RABEP1: variants seen among roughly 807,000 people sequenced by gnomAD.
RABEP1 encodes rabaptin, RAB GTPase binding effector protein 1, also known as rab GTPase-binding effector protein 1.
Under a neutral mutation model 123.4 loss-of-function variants are expected in RABEP1, and 51 were observed. That is an observed-to-expected ratio of 0.41 (90% CI 0.33 to 0.52). The LOEUF is 0.52. Among genes scored for constraint, RABEP1 ranks in the 20% least tolerant of loss-of-function variants. The pLI is 0.16. For missense variants in RABEP1, 888 were observed against 996.3 expected (o/e 0.89, Z 1.46); for synonymous variants, 347 against 355.2 (o/e 0.98, Z 0.26).
intron 1 of RABEP1, among the ~76,000 whole-genome samples, chr17:5,298,552 C>T (rs139230798): frequency 6.6e-6 from 1 of 152,084 alleles, no homozygotes; most frequent in African/African-American, 2.4e-5. Flanking sequence ...TCATATGGAG[C>T]TTCTTAAACA....
At chr17:5,308,533 C>CT (rs1402831847) in intron 1 of RABEP1, among the ~76,000 whole-genome samples, 161 bp from the exon 2 acceptor site, 1 of 152,006 alleles carries the variant, frequency 6.6e-6, no homozygotes, top group Non-Finnish European at 1.5e-5. Context: ...GTCTGTCTTA[C>CT]TTTTTTTAAA....
Position 5,385,197 on chromosome 17 carries a change from C to T in RABEP1, c.*1974C>T, listed in dbSNP as rs922552384. On this transcript the variant is annotated 3_prime_UTR_variant, in exon 18 of 18. Transcript: ENST00000537505. ...TTAAGTTTTGTTTAGCAATGTGTTT[C>T]TGGTATGAAACAAACTACTGTGTCA... 2 of 229,998 alleles carry T rather than the reference C, an allele frequency of 8.7e-6. No individual in the cohort carries two copies. The highest frequency in any genetic ancestry group is 4.4e-5 in the African/African-American group (2 of 45,196). 14.2% of individuals were successfully genotyped at this position (229,998 alleles called of 1,614,324 possible).
intron 1 of RABEP1, among the ~76,000 whole-genome samples, chr17:5,299,719 C>A (rs796376178): frequency 1.0e-5 from 1 of 98,852 alleles, no homozygotes; most frequent in African/African-American, 3.8e-5. Flanking sequence ...TTTTTCTTTT[C>A]TTTTTCTTTT....
At position 5,373,315 on chromosome 17, in the gene RABEP1, C is replaced by T. The variant is rs200240030; in HGVS notation, c.1886C>T (p.Ala629Val). Residue 629 changes from alanine (A) to valine (V), a missense_variant and splice_region_variant, in exon 13 of 18, where the codon GCG becomes GTG. Coordinates refer to ENST00000537505, the MANE Select transcript of RABEP1 (RefSeq NM_004703.6). ...GATTAGTATCTACTTCTATTTTAGG[C>T]GGTGCTGATGCAGTCACGGGAACAG... Reference protein sequence around the residue: ...QAKRDVQEQMAVLMQSREQVS... With the variant: ...QAKRDVQEQMVVLMQSREQVS... 1.9e-5 allele frequency: 31 copies of T among 1,610,890 alleles called. No homozygotes were observed. Among genetic ancestry groups the T allele is most frequent in the East Asian group, 1.3e-4 (6 of 44,782 alleles).
At chr17:5,335,454 ATAAT>A in intron 4 of RABEP1, 110 bp downstream of exon 4, 1 of 987,750 alleles carries the variant, frequency 1.0e-6, no homozygotes, top group Non-Finnish European at 1.5e-6. Flanking sequence ...TCCTGTGAGA[ATAAT>A]TATTTGGACA....
At chr17:5,370,302 G>A (rs191094706) in intron 12 of RABEP1, among the ~76,000 whole-genome samples, 24 of 152,268 alleles carry the variant, frequency 1.6e-4, no homozygotes, top group Admixed American at 1.1e-3. Context: ...CATGACAGTC[G>A]TAAGTATTTT....
chr17:5,353,570 G>T (rs1180692396), intron 7 of RABEP1, among the ~76,000 whole-genome samples: 1 of 152,050 alleles, frequency 6.6e-6, no homozygotes, highest in African/African-American at 2.4e-5. Flanking sequence ...TTTTTGGGTG[G>T]GGTGTGGTGT....
intron 1 of RABEP1, 51 bp downstream of exon 1, chr17:5,282,571 G>A: frequency 9.0e-7 from 1 of 1,116,676 alleles, no homozygotes; most frequent in Non-Finnish European, 1.1e-6. Flanking sequence ...CCCGGCGTCG[G>A]CGTCGCGGGA....
At chr17:5,334,144 G>A (rs557112543) in intron 3 of RABEP1, among the ~76,000 whole-genome samples, 4 of 148,654 alleles carry the variant, frequency 2.7e-5, no homozygotes, top group East Asian at 2.0e-4. Flanking sequence ...GGCAATTTTC[G>A]TGCCTCTGCC....
At chr17:5,331,333 T>C (rs527973962) in intron 2 of RABEP1, among the ~76,000 whole-genome samples, 1 of 152,264 alleles carries the variant, frequency 6.6e-6, no homozygotes, top group South Asian at 2.1e-4. Flanking sequence ...GTTAAGGGTA[T>C]GGGAAAACAA....
chr17:5,362,798 A>G (rs1298065533), intron 9 of RABEP1, 114 bp from the exon 10 acceptor site: 2 of 696,672 alleles, frequency 2.9e-6, no homozygotes, highest in Admixed American at 2.5e-5. Context: ...GGCCCTGAAG[A>G]AAGTGTTTAC....
chr17:5,356,906 G>A (rs566228666), intron 8 of RABEP1, among the ~76,000 whole-genome samples: 2 of 151,900 alleles, frequency 1.3e-5, no homozygotes, highest in South Asian at 4.2e-4. Flanking sequence ...TTGAGACAGG[G>A]TCTCACTTTC....
chr17:5,319,269 C>T (rs1847428149), intron 2 of RABEP1, among the ~76,000 whole-genome samples: 1 of 136,876 alleles, frequency 7.3e-6, no homozygotes. Context: ...GCAGAGATTG[C>T]AGTGAGCTGA....
chr17:5,303,179 C>T (rs1422830146), intron 1 of RABEP1, among the ~76,000 whole-genome samples: 1 of 152,052 alleles, frequency 6.6e-6, no homozygotes, highest in African/African-American at 2.4e-5. Flanking sequence ...CTTGGTATTA[C>T]TTCACTGAAT....
rs556221696 is a variant in RABEP1 at position 5,299,886 on chromosome 17, T to C, written c.35-8808T>C. Among the ~76,000 whole-genome samples the C allele has an allele frequency of 4.0e-4, 61 of 151,636 alleles. 1 individual carries two copies. Among genetic ancestry groups the C allele is most frequent in the African/African-American group, 1.5e-3 (60 of 41,364 alleles). ...CTGGGACTACAGGCTCCTGCCACCA[T>C]GCCCGGCTAATTTTTGTATTTTTAG... On this transcript the variant is annotated intron_variant, in intron 1 of 17. Transcript: ENST00000537505.
chr17:5,305,026 T>C (rs2144510239), intron 1 of RABEP1, among the ~76,000 whole-genome samples: 1 of 152,358 alleles, frequency 6.6e-6, no homozygotes, highest in Admixed American at 6.5e-5. Flanking sequence ...TAGCTAATGA[T>C]AGTGACCTAT....
Position 5,303,586 on chromosome 17 carries a change from T to C in RABEP1, c.35-5108T>C, listed in dbSNP as rs547151823. On this transcript the variant is annotated intron_variant, in intron 1 of 17. Coordinates refer to ENST00000537505, the MANE Select transcript of RABEP1 (RefSeq NM_004703.6). ...CCAGTGAGAAACAAGATAAGACATA[T>C]GAGTTTTAGGAACTGTTCAGATTCT... 8.5e-5 allele frequency among the ~76,000 whole-genome samples: 13 copies of C among 152,326 alleles called. 1 individual carries two copies. The highest frequency in any genetic ancestry group is 8.3e-4 in the South Asian group (4 of 4,830).
At chr17:5,353,553 A>G (rs1410803738) in intron 7 of RABEP1, among the ~76,000 whole-genome samples, 2 of 152,198 alleles carry the variant, frequency 1.3e-5, no homozygotes, top group Non-Finnish European at 2.9e-5. Context: ...GTAACATTAT[A>G]AAAACTTTTT....
At chr17:5,342,771 A>G (rs988686634) in intron 5 of RABEP1, among the ~76,000 whole-genome samples, 1 of 152,246 alleles carries the variant, frequency 6.6e-6, no homozygotes, top group Non-Finnish European at 1.5e-5. Context: ...TGAAGACAAG[A>G]TGAGGAGACT....
Sources: gnomAD v4.1 joint callset for allele counts (sites outside exome capture counted in the v4.1 genomes callset) on GRCh38, gnomAD v4.1.1 for gene constraint, MANE v1.5 for transcripts, NCBI Gene and HGNC (gene_info 2026-07-23, HGNC 2026-07-21) for gene names.